PLXDC2: variants seen among roughly 807,000 people sequenced by gnomAD.
PLXDC2 encodes plexin domain-containing protein 2.
A neutral mutation model predicts 68.9 loss-of-function variants in PLXDC2; 40 were observed. That is an observed-to-expected ratio of 0.58 (90% CI 0.45 to 0.76). PLXDC2 has a LOEUF of 0.76. Ranked by LOEUF, PLXDC2 falls within the 30% of genes least tolerant of loss-of-function variation. The pLI, the probability that PLXDC2 is intolerant of heterozygous loss-of-function variation, is 0.00. For missense variants in PLXDC2, 644 were observed against 661.9 expected, an observed-to-expected ratio of 0.97 and a Z score of 0.30; for synonymous variants, 243 against 234.2, an observed-to-expected ratio of 1.04 and a Z score of -0.34.
chr10:20,113,382 C>T lies in PLXDC2; in HGVS notation c.542-29913C>T, dbSNP rs531589596. Among the ~76,000 whole-genome samples, 7 of 152,290 alleles carry T rather than the reference C, an allele frequency of 4.6e-5. No homozygotes were observed. In the South Asian group the frequency reaches 6.2e-4, roughly 14 times the overall value. ...AATTTCCTTGCTGTAGTAACTGGTA[C>T]CATCATCTTCCATTGAACGCCTTCC... On this transcript the variant is annotated intron_variant, in intron 4 of 13. Transcript: ENST00000377252.
At chr10:19,964,125 G>C (rs540494341) in intron 1 of PLXDC2, among the ~76,000 whole-genome samples, 64 of 152,322 alleles carry the variant, frequency 4.2e-4, no homozygotes, top group African/African-American at 1.5e-3. Flanking sequence ...AAAAGCCCCT[G>C]ATTTGTAGCC....
At chr10:20,208,837 T>A (rs1217515088) in intron 9 of PLXDC2, among the ~76,000 whole-genome samples, 1 of 151,864 alleles carries the variant, frequency 6.6e-6, no homozygotes, top group Non-Finnish European at 1.5e-5. Context: ...AAAGGAGAAA[T>A]TTTAAAGCTG....
At chr10:19,963,588 C>G (rs1207613096) in intron 1 of PLXDC2, among the ~76,000 whole-genome samples, 1 of 151,806 alleles carries the variant, frequency 6.6e-6, no homozygotes, top group Non-Finnish European at 1.5e-5. Flanking sequence ...ATCGCAAGGC[C>G]AAAAAACCAA....
intron 7 of PLXDC2, among the ~76,000 whole-genome samples, chr10:20,172,230 G>GAAAAAA (rs571463676): frequency 9.0e-6 from 1 of 110,590 alleles, no homozygotes; most frequent in Non-Finnish European, 1.9e-5. Context: ...TTGTGAAAAG[G>GAAAAAA]AAAAAAAAAA....
intron 6 of PLXDC2, among the ~76,000 whole-genome samples, chr10:20,151,119 G>A (rs1000616320): frequency 2.0e-5 from 3 of 151,774 alleles, no homozygotes; most frequent in Non-Finnish European, 4.4e-5. Context: ...ACCACTTTTT[G>A]CTTCCCAATA....
At chr10:20,112,187 G>A (rs1407229367) in intron 4 of PLXDC2, among the ~76,000 whole-genome samples, 1 of 152,038 alleles carries the variant, frequency 6.6e-6, no homozygotes, top group Non-Finnish European at 1.5e-5. Context: ...CTCCAGAATT[G>A]TAAGAGAATA....
chr10:20,286,329 T>A lies in PLXDC2; in HGVS notation c.*6510T>A, dbSNP rs1836152379. The stretch of plus-strand genomic sequence containing the variant: ...TCCTAGTTTCTAAGGCTTATTAACA[T>A]TTGCAAATTACTCAATAAATGTCTT... On this transcript the variant is annotated 3_prime_UTR_variant, in exon 14 of 14. Coordinates refer to ENST00000377252, the MANE Select transcript of PLXDC2 (RefSeq NM_032812.9). The A allele has an allele frequency of 6.6e-6, 1 of 152,190 alleles. No homozygotes were observed. The highest frequency in any genetic ancestry group is 2.4e-5 in the African/African-American group (1 of 41,458). 9.4% of individuals were successfully genotyped at this position (152,190 alleles called of 1,614,324 possible).
chr10:19,962,131 C>G (rs1373496574), intron 1 of PLXDC2, among the ~76,000 whole-genome samples: 1 of 151,954 alleles, frequency 6.6e-6, no homozygotes, highest in Non-Finnish European at 1.5e-5. Flanking sequence ...AGGAAAAAGT[C>G]TTATATATGA....
chr10:19,910,675 A>T (rs558606479), intron 1 of PLXDC2, among the ~76,000 whole-genome samples: 141 of 150,086 alleles, frequency 9.4e-4, no homozygotes, highest in African/African-American at 2.6e-3. Context: ...TGGAAGATAG[A>T]ACATTCCATG....
At chr10:19,845,038 T>C (rs1047389671) in intron 1 of PLXDC2, among the ~76,000 whole-genome samples, 4 of 152,188 alleles carry the variant, frequency 2.6e-5, no homozygotes, top group African/African-American at 9.6e-5. Flanking sequence ...AGGAACCCAC[T>C]GGGACATGAC....
At chr10:19,821,782 T>A (rs1031931692) in intron 1 of PLXDC2, among the ~76,000 whole-genome samples, 3 of 152,220 alleles carry the variant, frequency 2.0e-5, no homozygotes, top group African/African-American at 7.2e-5. Flanking sequence ...GATCCAGAAG[T>A]CTGCTAAACT....
chr10:19,887,138 C>A (rs118114672), intron 1 of PLXDC2, among the ~76,000 whole-genome samples: 1 of 152,144 alleles, frequency 6.6e-6, no homozygotes, highest in Non-Finnish European at 1.5e-5. Context: ...CTAATTATGT[C>A]TTTTGTAGTT....
chr10:19,937,179 A>C (rs1833738867), intron 1 of PLXDC2, among the ~76,000 whole-genome samples: 1 of 152,106 alleles, frequency 6.6e-6, no homozygotes, highest in Non-Finnish European at 1.5e-5. Context: ...ATGTTTTTCA[A>C]AGTGTTACAT....
At chr10:20,259,745 G>A (rs912295386) in intron 13 of PLXDC2, among the ~76,000 whole-genome samples, 1 of 152,214 alleles carries the variant, frequency 6.6e-6, no homozygotes, top group African/African-American at 2.4e-5. Flanking sequence ...AGGGGCAAGT[G>A]CCCACTCCAG....
At chr10:19,971,455 G>T (rs1291218414) in intron 1 of PLXDC2, among the ~76,000 whole-genome samples, 1 of 152,086 alleles carries the variant, frequency 6.6e-6, no homozygotes, top group Non-Finnish European at 1.5e-5. Context: ...TGTTATACCG[G>T]AAATCAGAGG....
chr10:19,955,664 G>T (rs747174827), intron 1 of PLXDC2, among the ~76,000 whole-genome samples: 9 of 152,036 alleles, frequency 5.9e-5, no homozygotes, highest in Non-Finnish European at 8.8e-5. Context: ...TACGTTGGGT[G>T]CTCTGTAATA....
chr10:20,140,405 A>AATAAC (rs201306989), intron 4 of PLXDC2, among the ~76,000 whole-genome samples: 3 of 12,534 alleles, frequency 2.4e-4, no homozygotes, highest in Non-Finnish European at 6.1e-4. Flanking sequence ...TATATATAAA[A>AATAAC]TATCTATCTA....
intron 4 of PLXDC2, among the ~76,000 whole-genome samples, chr10:20,140,442 C>CTATCTATCTATCTATCTAACTATCTATCT (rs34794355): frequency 6.9e-6 from 1 of 145,334 alleles, no homozygotes; most frequent in African/African-American, 2.6e-5. Flanking sequence ...TCTATCTATC[C>CTATCTATCTATCTATCTAACTATCTATCT]GTCTAATCTT....
intron 10 of PLXDC2, among the ~76,000 whole-genome samples, chr10:20,216,573 G>T (rs1358160377): frequency 6.6e-6 from 1 of 152,100 alleles, no homozygotes; most frequent in Admixed American, 6.6e-5. Context: ...GTTTAAGAAT[G>T]ATATTTATTT....
Sources: gnomAD v4.1 joint callset for allele counts (sites outside exome capture counted in the v4.1 genomes callset) on GRCh38, gnomAD v4.1.1 for gene constraint, MANE v1.5 for transcripts, NCBI Gene and HGNC (gene_info 2026-07-23, HGNC 2026-07-21) for gene names.